MAP3K6: variants seen among roughly 807,000 people sequenced by gnomAD.
MAP3K6 encodes mitogen-activated protein kinase kinase kinase 6, also known as apoptosis signal-regulating kinase 2.
In MAP3K6, 105 loss-of-function variants were observed where a neutral mutation model predicts 147.1. That is an observed-to-expected ratio of 0.71 (90% CI 0.61 to 0.84). The LOEUF (loss-of-function observed/expected upper bound fraction) is 0.84, where lower values mean the gene tolerates loss of function less well. MAP3K6 is among the 40% of genes least tolerant of loss of function. The probability of loss-of-function intolerance (pLI) is 0.00; values close to 1 mark genes in which losing one functional copy is unlikely to be tolerated. For missense variants in MAP3K6, 1,569 were observed against 1,715.0 expected, an observed-to-expected ratio of 0.91 and a Z score of 1.50; for synonymous variants, 695 against 732.4, an observed-to-expected ratio of 0.95 and a Z score of 0.82.
rs1360909171 is a variant in MAP3K6 at position 27,366,217 on chromosome 1, T to C, written c.340+41A>G. On this transcript the variant is annotated intron_variant, in intron 1 of 28. Coordinates refer to ENST00000357582, the MANE Select transcript of MAP3K6 (RefSeq NM_004672.5). This position sits in a 1 kb window ranked among gnomAD's most constrained non-coding sequence, Gnocchi z 5.5. ...CCGGCTTGGTCCCCTCCCAGGACCC[T>C]GAGTCCCGCCCGGATCCGGCCCCGC... 2.7e-5 allele frequency: 35 copies of C among 1,275,996 alleles called. No individual in the cohort carries two copies. The highest frequency in any genetic ancestry group is 3.3e-5 in the Non-Finnish European group (33 of 1,011,738). The allele number at this position is 1,275,996 out of a possible 1,614,324, so 79.0% of individuals were successfully genotyped here.
chr1:27,356,475 C>G lies in MAP3K6; in HGVS notation c.3550G>C (p.Glu1184Gln). The G allele has an allele frequency of 8.7e-6, 14 of 1,613,948 alleles. No individual in the cohort carries two copies. The highest frequency in any genetic ancestry group is 1.1e-5 in the Non-Finnish European group (13 of 1,179,980). ...TGCACCAGGGCCTGGTACTCCCGTT[C>G]CTTCCCCGCCAGGATTTCGCGCAGC... ...DRLREILAGK[E>Q]REYQALVQRA... Residue 1184 changes from glutamate (E) to glutamine (Q), a missense_variant, in exon 26 of 29, where the codon GAA becomes CAA. Physicochemically the swap from Glu to Gln is conservative, Grantham distance 29. Coordinates refer to ENST00000357582, the MANE Select transcript of MAP3K6 (RefSeq NM_004672.5).
chr1:27,356,156 C>G (rs903239210), intron 26 of MAP3K6, 57 bp from the exon 27 acceptor site: 6 of 1,491,896 alleles, frequency 4.0e-6, no homozygotes, highest in East Asian at 2.3e-5. Context: ...GAAGCTGCCT[C>G]GAACCCACCA....
chr1:27,366,343 C>A lies in MAP3K6; in HGVS notation c.255G>T (p.Pro85=), dbSNP rs2015984485. The A allele has an allele frequency of 1.6e-6, 2 of 1,289,546 alleles. No homozygotes were observed. The allele number at this position is 1,289,546 out of a possible 1,614,324, so 79.9% of individuals were successfully genotyped here. A position where few individuals can be genotyped will look rare whatever the true frequency, so the allele number is the denominator to read the frequency against. Residue 85 remains proline (P), a synonymous_variant, in exon 1 of 29, where the codon CCG becomes CCT. Coordinates refer to ENST00000357582, the MANE Select transcript of MAP3K6 (RefSeq NM_004672.5). This position sits in a 1 kb window ranked among gnomAD's most constrained non-coding sequence, Gnocchi z 5.5. Reference sequence around the variant, plus strand: ...GGCTGCGCAGCTGCGGGGGCGGCCGCGGCCGGGGGACCTGCGCGCAAGCCT... The same window carrying A: ...GGCTGCGCAGCTGCGGGGGCGGCCGAGGCCGGGGGACCTGCGCGCAAGCCT... The part of the protein sequence containing the change: ...LREACAQVPR[P]RPPPQLRSLP...
At position 27,366,572 on chromosome 1, in the gene MAP3K6, C is replaced by T; in HGVS notation, c.26G>A (p.Gly9Glu). 1 of 1,083,828 alleles carries T rather than the reference C, an allele frequency of 9.2e-7. No homozygotes were observed. Among genetic ancestry groups the T allele is most frequent in the Non-Finnish European group, 1.1e-6 (1 of 894,438 alleles). 67.1% of individuals were successfully genotyped at this position (1,083,828 alleles called of 1,614,324 possible). MAGPCPRSGAERAGSCWQD... is the reference protein window; with the variant it reads MAGPCPRSEAERAGSCWQD... ...CCAGCAGCTGCCGGCGCGCTCCGCCCCGGACCGGGGACACGGCCCCGCCAT... is the reference window on the plus strand; with the variant it reads ...CCAGCAGCTGCCGGCGCGCTCCGCCTCGGACCGGGGACACGGCCCCGCCAT... The change falls in exon 1 of 29, where the codon GGG (glycine) becomes GAG (glutamate). Residue 9 changes from glycine (G) to glutamate (E), a missense_variant. By Grantham distance (98) the Gly-to-Glu change is moderately conservative. Transcript: ENST00000357582. This position sits in a 1 kb window ranked among gnomAD's most constrained non-coding sequence, Gnocchi z 5.5.
intron 8 of MAP3K6, 50 bp from the exon 9 acceptor site, chr1:27,362,300 G>A (rs1253147102): frequency 1.3e-6 from 2 of 1,549,022 alleles, no homozygotes; most frequent in South Asian, 1.2e-5. Flanking sequence ...AGGGGTGAGT[G>A]AGGCCCACCA....
At chr1:27,363,375 G>A in intron 6 of MAP3K6, 67 bp downstream of exon 6, 1 of 1,327,356 alleles carries the variant, frequency 7.5e-7, no homozygotes, top group Non-Finnish European at 1.0e-6. Flanking sequence ...CAATGGCTTT[G>A]CACGCAGAGA....
Position 27,361,596 on chromosome 1 carries a change from A to G in MAP3K6, c.1610T>C (p.Leu537Pro). Residue 537 changes from leucine to proline, a missense_variant, in exon 11 of 29, where the codon CTG becomes CCG. Physicochemically the swap from Leu to Pro is moderately conservative, Grantham distance 98 (BLOSUM62 -3). Coordinates refer to ENST00000357582, the MANE Select transcript of MAP3K6 (RefSeq NM_004672.5). ...VLVLEMNKVL[L>P]PAKLEVRGTD... is the part of the protein sequence containing the mutation. ...ACCCCGAACCTCGAGCTTTGCAGGC[A>G]GCAGCACCTTGTTCATCTCCAGGAC... The G allele has an allele frequency of 6.2e-7, 1 of 1,614,202 alleles. No homozygotes were observed.
rs1313502622 is a variant in MAP3K6, at chr1:27,356,637, G to T, written c.3477C>A (p.Pro1159=). Residue 1159 remains proline (P), a synonymous_variant, in exon 25 of 29, where the codon CCC becomes CCA. Coordinates refer to ENST00000357582, the MANE Select transcript of MAP3K6 (RefSeq NM_004672.5). ...SPLPVEPEQG[P]APLMVQLSLL... ...GGCTCAGCTGCACCATCAGAGGAGC[G>T]GGGCCCTGCTCGGGCTCCACCGGAA... The T allele has an allele frequency of 6.2e-7, 1 of 1,612,486 alleles. No homozygotes were observed. Among genetic ancestry groups the T allele is most frequent in the African/African-American group, 1.3e-5 (1 of 75,034 alleles).
At chr1:27,365,646 C>T (rs987289519) in intron 1 of MAP3K6, among the ~76,000 whole-genome samples, 4 of 151,628 alleles carry the variant, frequency 2.6e-5, no homozygotes, top group African/African-American at 9.7e-5. Context: ...CCCACTTCCC[C>T]GCCCCTTCCC....
chr1:27,361,179 G>A lies in MAP3K6; in HGVS notation c.1810C>T (p.Pro604Ser), dbSNP rs370302734. 5.0e-6 allele frequency: 8 copies of A among 1,612,048 alleles called. No homozygotes were observed. The African/African-American group carries it at 9.3e-5, about 19-fold the overall frequency. ...PPAQDVQLCF[P>S]SVGHCQWFCG... is the part of the protein sequence containing the mutation. ...CACCACTGGCAGTGCCCTACGCTGG[G>A]GAAGCACAGCTGGACGTCCTGAGCC... The change falls in exon 13 of 29, where the codon CCC becomes TCC. Residue 604 changes from proline (P) to serine (S), a missense_variant. Physicochemically the swap from Pro to Ser is moderately conservative, Grantham distance 74. Coordinates refer to ENST00000357582, the MANE Select transcript of MAP3K6 (RefSeq NM_004672.5).
Position 27,358,624 on chromosome 1 carries a change from G to A in MAP3K6, c.2584-13C>T, listed in dbSNP as rs2015630623. On this transcript the variant is annotated splice_polypyrimidine_tract_variant and intron_variant, in intron 19 of 28. Transcript: ENST00000357582. The surrounding 1 kb of genome is among the most constrained non-coding windows in gnomAD (Gnocchi z 6.2). ...TGTACATACCCACCTGTGGGGGGAG[G>A]GTGAACAAGGGTGACATTCAGAGGT... 3.1e-6 allele frequency: 5 copies of A among 1,613,330 alleles called. No individual in the cohort carries two copies. Among genetic ancestry groups the A allele is most frequent in the Non-Finnish European group, 4.2e-6 (5 of 1,179,794 alleles).
rs774611641 is a variant in MAP3K6 at position 27,361,738 on chromosome 1, G to A, written c.1545C>T (p.Phe515=). The A allele has an allele frequency of 6.2e-7, 1 of 1,613,448 alleles. No homozygotes were observed. The highest frequency in any genetic ancestry group is 1.1e-5 in the South Asian group (1 of 91,052). The change falls in exon 10 of 29, where the codon TTC becomes TTT. Residue 515 remains phenylalanine (F), a synonymous_variant. Transcript: ENST00000357582. ...GGTCGCCCTGGGCACAGGCTGTCTT[G>A]AATGGTTGGCAGGACTGTAGCAAGA... ...LHFLLQSCQP[F]KTACAQGDQC... is the part of the protein sequence containing the mutation.
At position 27,366,309 on chromosome 1, in the gene MAP3K6, C is replaced by G. The variant is rs1298279684; in HGVS notation, c.289G>C (p.Gly97Arg). 8 of 1,326,990 alleles carry G rather than the reference C, an allele frequency of 6.0e-6. No homozygotes were observed. The highest frequency in any genetic ancestry group is 1.5e-5 in the African/African-American group (1 of 65,124). 82.2% of individuals were successfully genotyped at this position (1,326,990 alleles called of 1,614,324 possible). The change falls in exon 1 of 29, where the codon GGG (glycine) becomes CGG (arginine). Residue 97 changes from glycine (G) to arginine (R), a missense_variant. By Grantham distance (125) the Gly-to-Arg change is moderately radical. Transcript: ENST00000357582. This position sits in a 1 kb window ranked among gnomAD's most constrained non-coding sequence, Gnocchi z 5.5. Reference protein sequence around the residue: ...PPPQLRSLPFGTLELGDTAAL... With the variant: ...PPPQLRSLPFRTLELGDTAAL... ...GCGGTGTCGCCTAGCTCCAGCGTCCCGAAGGGCAGGCTGCGCAGCTGCGGG... is the reference window on the plus strand; with the variant it reads ...GCGGTGTCGCCTAGCTCCAGCGTCCGGAAGGGCAGGCTGCGCAGCTGCGGG...
In MAP3K6 at chr1:27,364,896, C is replaced by T. The variant is rs374645744; in HGVS notation, c.357G>A (p.Glu119=). ...AGGGCTGTACCAGCGAGCTGCTCAC[C>T]TCCAGCACCACCACATCTGCAGGCA... The part of the protein sequence containing the change: ...AFYNADVVVL[E]VSSSLVQPSL... The change falls in exon 2 of 29, where the codon GAG becomes GAA. Residue 119 remains glutamate (E), a synonymous_variant. Coordinates refer to ENST00000357582, the MANE Select transcript of MAP3K6 (RefSeq NM_004672.5). The surrounding 1 kb of genome is among the most constrained non-coding windows in gnomAD (Gnocchi z 4.4). 4.4e-6 allele frequency: 7 copies of T among 1,594,664 alleles called. No individual in the cohort carries two copies. In the East Asian group the frequency reaches 1.1e-4, roughly 26 times the overall value.
rs999714295 is a variant in MAP3K6, at chr1:27,363,952, T to C, written c.829A>G (p.Ile277Val). 1 of 1,606,918 alleles carries C rather than the reference T, an allele frequency of 6.2e-7. No individual in the cohort carries two copies. The highest frequency in any genetic ancestry group is 8.5e-7 in the Non-Finnish European group (1 of 1,178,450). The change falls in exon 5 of 29, where the codon ATC becomes GTC. Residue 277 changes from isoleucine to valine, a missense_variant. Physicochemically the swap from Ile to Val is conservative, Grantham distance 29. Transcript: ENST00000357582. ...DSVELLSPDIIMNLLLSYRDV... is the reference protein window; with the variant it reads ...DSVELLSPDIVMNLLLSYRDV... The stretch of plus-strand genomic sequence containing the variant: ...CGGTAGGAGAGCAGCAAGTTCATGA[T>C]GATGTCGGGGCTCAGCAGCTCCACG...
rs934392158 is a variant in MAP3K6 at position 27,357,851 on chromosome 1, C to T, written c.2941G>A (p.Glu981Lys). 6.3e-7 allele frequency: 1 copy of T among 1,596,092 alleles called. No homozygotes were observed. The change falls in exon 22 of 29, where the codon GAG (glutamate) becomes AAG (lysine). Residue 981 changes from glutamate (E) to lysine (K), a missense_variant. By Grantham distance (56) the Glu-to-Lys change is moderately conservative (BLOSUM62 1). Coordinates refer to ENST00000357582, the MANE Select transcript of MAP3K6 (RefSeq NM_004672.5). Reference sequence around the variant, plus strand: ...GAACTCTCCTCCGGAGACGCAGGCTCCTCGGCCGCAGGCTCCTCGGGCACC... The same window carrying T: ...GAACTCTCCTCCGGAGACGCAGGCTTCTCGGCCGCAGGCTCCTCGGGCACC... ...LRVPEEPAAE[E>K]PASPEESSGL...
At chr1:27,363,602 C>A (rs1453776974) in intron 5 of MAP3K6, 54 bp from the exon 6 acceptor site, 1 of 1,416,670 alleles carries the variant, frequency 7.1e-7, no homozygotes, top group Non-Finnish European at 9.7e-7. Context: ...CCCCAAGGAA[C>A]CTTGAGCCAG....
rs2015521701 is a variant in MAP3K6 at position 27,356,379 on chromosome 1, C to T, written c.3637+9G>A. The T allele has an allele frequency of 1.9e-6, 3 of 1,596,686 alleles. No individual in the cohort carries two copies. The highest frequency in any genetic ancestry group is 8.5e-7 in the Non-Finnish European group (1 of 1,172,024). On this transcript the variant is annotated intron_variant, in intron 26 of 28. Coordinates refer to ENST00000357582, the MANE Select transcript of MAP3K6 (RefSeq NM_004672.5). ...CACCAATAATGTTCTCCAGCCAAGG[C>T]CCACTCACTTGGAGGCTCTGGGGCC...
Position 27,363,787 on chromosome 1 carries a change from G to T in MAP3K6, c.864+130C>A. 6 of 968,064 alleles carry T rather than the reference G, an allele frequency of 6.2e-6. No homozygotes were observed. In the South Asian group the frequency reaches 8.5e-5, roughly 14 times the overall value. The allele number at this position is 968,064 out of a possible 1,614,324, so 60.0% of individuals were successfully genotyped here. A position where few individuals can be genotyped will look rare whatever the true frequency, so the allele number is the denominator to read the frequency against. On this transcript the variant is annotated intron_variant, in intron 5 of 28. Coordinates refer to ENST00000357582, the MANE Select transcript of MAP3K6 (RefSeq NM_004672.5). ...CTCATCCTCTCTAACAAATAAGGAG[G>T]CCAACACTCAGAGACATTGGATAAT...
Sources: allele counts gnomAD v4.1 joint callset (sites outside exome capture counted in the v4.1 genomes callset), GRCh38; gene constraint gnomAD v4.1.1; non-coding constraint Gnocchi (gnomAD v3.1); transcripts MANE v1.5; gene names NCBI Gene and HGNC (gene_info 2026-07-23, HGNC 2026-07-21).